Variants in OR14A2 observed in about 807,000 individuals in gnomAD.
OR14A2 encodes olfactory receptor 14A2.
For missense variants in OR14A2, 237 were observed against 152.9 expected (o/e 1.55, Z -2.90); for synonymous variants, 114 against 58.6 (o/e 1.95, Z -4.32).
At chr1:247,728,192 G>A (rs1368832153), upstream of OR14A2, among the ~76,000 whole-genome samples, 1 of 152,080 alleles carries the variant, frequency 6.6e-6, no homozygotes, top group Non-Finnish European at 1.5e-5. Context: ...CTGGCAAACC[G>A]AATCCAGCAG....
the OR14A2 span, among the ~76,000 whole-genome samples, chr1:247,736,300 C>CCTAT: frequency 6.6e-6 from 1 of 152,056 alleles, no homozygotes; most frequent in East Asian, 1.9e-4. Flanking sequence ...CTGAACTTAC[C>CCTAT]CTATCTTCCC....
At chr1:247,729,070 A>T in the OR14A2 span, among the ~76,000 whole-genome samples, 1 of 152,116 alleles carries the variant, frequency 6.6e-6, no homozygotes, top group African/African-American at 2.4e-5. Context: ...TTTATTTCAA[A>T]TTTGACATAA....
chr1:247,739,282 T>C, the OR14A2 span: 1 of 780,772 alleles, frequency 1.3e-6, no homozygotes, highest in Non-Finnish European at 2.4e-6. Flanking sequence ...TTCTCTGCTG[T>C]GTTAAGGATA....
upstream of OR14A2, among the ~76,000 whole-genome samples, chr1:247,727,819 C>G (rs1660414534): frequency 6.7e-6 from 1 of 148,878 alleles, no homozygotes; most frequent in Admixed American, 6.6e-5. Context: ...ACTAGAAAAT[C>G]TAGAAGAAAT....
At chr1:247,735,613 T>A in the OR14A2 span, among the ~76,000 whole-genome samples, 1 of 152,182 alleles carries the variant, frequency 6.6e-6, no homozygotes. Context: ...GAGTCCCATA[T>A]AGTCAATGAA....
upstream of OR14A2, among the ~76,000 whole-genome samples, chr1:247,726,755 A>T (rs1442483544): frequency 4.3e-4 from 60 of 140,352 alleles, no homozygotes; most frequent in East Asian, 2.1e-3. Flanking sequence ...ACATATGGCT[A>T]GCCAGTTTTC....
the OR14A2 span, among the ~76,000 whole-genome samples, chr1:247,736,661 G>C: frequency 1.3e-5 from 2 of 152,068 alleles, no homozygotes; most frequent in Non-Finnish European, 2.9e-5. Context: ...CACTCACTGA[G>C]CTACCCTGGC....
At chr1:247,746,729 T>C in the OR14A2 span, 1 of 152,238 alleles carries the variant, frequency 6.6e-6, no homozygotes, top group African/African-American at 2.4e-5. Flanking sequence ...CATCTTAGAA[T>C]GTGGCTGGTG....
chr1:247,735,708 G>A, the OR14A2 span, among the ~76,000 whole-genome samples: 1 of 152,324 alleles, frequency 6.6e-6, no homozygotes, highest in East Asian at 1.9e-4. Context: ...AGAGCTTGGA[G>A]ACTGCACAAA....
chr1:247,723,656 A>G, exon 1 of OR14A2: 1 of 718,646 alleles, frequency 1.4e-6, no homozygotes, highest in Non-Finnish European at 2.6e-6. Flanking sequence ...ATTACCTCGT[A>G]GTTCAGGGGA....
At chr1:247,741,552 T>C in the OR14A2 span, among the ~76,000 whole-genome samples, 1 of 152,176 alleles carries the variant, frequency 6.6e-6, no homozygotes, top group Non-Finnish European at 1.5e-5. Context: ...CACTGGATAA[T>C]GACTATATTT....
the OR14A2 span, chr1:247,739,668 C>T: frequency 8.2e-6 from 5 of 611,172 alleles, no homozygotes; most frequent in African/African-American, 9.3e-5. Context: ...AGTCTTGCTA[C>T]TGATAATCTC....
At chr1:247,737,440 A>G in the OR14A2 span, among the ~76,000 whole-genome samples, 1 of 152,202 alleles carries the variant, frequency 6.6e-6, no homozygotes, top group East Asian at 1.9e-4. Context: ...CTTGTTGGAA[A>G]AAGCACTGGC....
At chr1:247,734,377 C>G in the OR14A2 span, among the ~76,000 whole-genome samples, 2 of 152,192 alleles carry the variant, frequency 1.3e-5, no homozygotes, top group Admixed American at 1.3e-4. Flanking sequence ...CACCCACTCA[C>G]AGACGACGTG....
At chr1:247,736,325 C>T in the OR14A2 span, among the ~76,000 whole-genome samples, 1 of 152,082 alleles carries the variant, frequency 6.6e-6, no homozygotes, top group Non-Finnish European at 1.5e-5. Context: ...TTCTTAGATA[C>T]CCCTTGATTT....
At chr1:247,740,438 C>G in the OR14A2 span, among the ~76,000 whole-genome samples, 2 of 152,158 alleles carry the variant, frequency 1.3e-5, no homozygotes, top group East Asian at 1.9e-4. Flanking sequence ...AGATTTTATA[C>G]AATTACCCAA....
the OR14A2 span, among the ~76,000 whole-genome samples, chr1:247,735,315 A>C: frequency 6.6e-6 from 1 of 152,242 alleles, no homozygotes. Flanking sequence ...TTCTCAGTTG[A>C]AACTGGACTG....
chr1:247,729,564 A>C, the OR14A2 span, among the ~76,000 whole-genome samples: 829 of 152,194 alleles, frequency 5.4e-3, 12 homozygotes, highest in Middle Eastern at 0.051. Flanking sequence ...AGTTACTTAA[A>C]ATGGTTTCTT....
At chr1:247,729,267 A>G in the OR14A2 span, among the ~76,000 whole-genome samples, 2 of 152,142 alleles carry the variant, frequency 1.3e-5, no homozygotes, top group African/African-American at 2.4e-5. Flanking sequence ...ACTGTTTCCA[A>G]CGTAGGTCCA....
Sources: gnomAD v4.1 joint callset for allele counts (sites outside exome capture counted in the v4.1 genomes callset) on GRCh38, gnomAD v4.1.1 for gene constraint, MANE v1.5 for transcripts, NCBI Gene and HGNC (gene_info 2026-07-23, HGNC 2026-07-21) for gene names.